Variants in A3GALT2 observed in about 807,000 individuals in gnomAD.
The protein encoded by A3GALT2 is alpha-1,3-galactosyltransferase 2.
Under a neutral mutation model 16.6 loss-of-function variants are expected in A3GALT2, and 14 were observed. That is an observed-to-expected ratio of 0.84 (90% CI 0.56 to 1.32). The LOEUF (loss-of-function observed/expected upper bound fraction) is 1.32, where lower values mean the gene tolerates loss of function less well. Among genes scored for constraint, A3GALT2 ranks in the 40% most tolerant of loss-of-function variants. A3GALT2 has a pLI of 0.00. For synonymous variants in A3GALT2, 253 were observed against 218.0 expected (o/e 1.16, Z -1.42); for missense variants, 600 against 490.9 (o/e 1.22, Z -2.10).
In A3GALT2 at chr1:33,307,466, C is replaced by A. The variant is rs368453003; in HGVS notation, c.336-13G>T. ...CTTCTCCAGGTATCTAAGGGCGCGG[C>A]GCCACCGTCAGCCTGAGAGTGAAGC... On this transcript the variant is annotated splice_polypyrimidine_tract_variant and intron_variant, in intron 4 of 4. Coordinates refer to ENST00000442999, the MANE Select transcript of A3GALT2 (RefSeq NM_001080438.1). The A allele has an allele frequency of 3.4e-6, 5 of 1,479,690 alleles. No individual in the cohort carries two copies. Among genetic ancestry groups the A allele is most frequent in the Non-Finnish European group, 4.4e-6 (5 of 1,125,146 alleles). The allele number at this position is 1,479,690 out of a possible 1,614,324, so 91.7% of individuals were successfully genotyped here. A position where few individuals can be genotyped will look rare whatever the true frequency, so the allele number is the denominator to read the frequency against.
chr1:33,312,457 G>T, intron 3 of A3GALT2, 44 bp downstream of exon 3: 1 of 1,513,702 alleles, frequency 6.6e-7, no homozygotes, highest in Non-Finnish European at 8.9e-7. Context: ...AGCTGTGTAG[G>T]GTTTGGGGGT....
intron 4 of A3GALT2, among the ~76,000 whole-genome samples, chr1:33,308,120 A>G (rs896017102): frequency 1.5e-5 from 2 of 129,632 alleles, no homozygotes; most frequent in Non-Finnish European, 3.2e-5. Flanking sequence ...CTCTAGCCCT[A>G]GCATCTTTCA....
intron 1 of A3GALT2, among the ~76,000 whole-genome samples, chr1:33,319,724 C>T (rs569287906): frequency 4.6e-5 from 7 of 152,168 alleles, no homozygotes; most frequent in Non-Finnish European, 8.8e-5. Flanking sequence ...AGCATCCTCT[C>T]CTCCCCTGTC....
In A3GALT2 at chr1:33,312,504, G is replaced by A; in HGVS notation, c.194C>T (p.Pro65Leu). 1 of 1,591,200 alleles carries A rather than the reference G, an allele frequency of 6.3e-7. No individual in the cohort carries two copies. The highest frequency in any genetic ancestry group is 8.6e-7 in the Non-Finnish European group (1 of 1,167,534). The change falls in exon 3 of 5, where the codon CCC becomes CTC. Residue 65 changes from proline (P) to leucine (L), a missense_variant. Transcript: ENST00000442999. ...LRDNFTGALR[P>L]WARPEVLTCT... ...AGGAGGGATGGGAGCTTCTTACCAGGGACGCAGGGCACCTGTGAAGTTGTC... is the reference window on the plus strand; with the variant it reads ...AGGAGGGATGGGAGCTTCTTACCAGAGACGCAGGGCACCTGTGAAGTTGTC...
At chr1:33,312,999 T>C (rs1646243041) in intron 1 of A3GALT2, 109 bp from the exon 2 acceptor site, 1 of 869,416 alleles carries the variant, frequency 1.2e-6, no homozygotes. Flanking sequence ...CTGGTTCTTC[T>C]GCATGAAGGT....
chr1:33,315,233 T>G (rs1481415673), intron 1 of A3GALT2, among the ~76,000 whole-genome samples: 1 of 151,950 alleles, frequency 6.6e-6, no homozygotes, highest in Non-Finnish European at 1.5e-5. Context: ...AATACAAAAA[T>G]TAGCTGGCCG....
At chr1:33,313,031 G>C in intron 1 of A3GALT2, 141 bp from the exon 2 acceptor site, 2 of 706,192 alleles carry the variant, frequency 2.8e-6, no homozygotes, top group East Asian at 5.5e-5. Flanking sequence ...CCAGTTTCTT[G>C]TGCAGGGGCA....
At chr1:33,317,975 A>G (rs868798231) in intron 1 of A3GALT2, among the ~76,000 whole-genome samples, 16 of 152,226 alleles carry the variant, frequency 1.1e-4, no homozygotes, top group South Asian at 6.2e-4. Flanking sequence ...ATAGAAATCA[A>G]CATGGCTATT....
At position 33,312,047 on chromosome 1, in the gene A3GALT2, C is replaced by A. The variant is rs1353926069; in HGVS notation, c.335+5G>T. On this transcript the variant is annotated splice_donor_5th_base_variant and intron_variant, in intron 4 of 4. Coordinates refer to ENST00000442999, the MANE Select transcript of A3GALT2 (RefSeq NM_001080438.1). ...GACAGCACTGCTCCCCTTCCCAGGC[C>A]TTACCTGCCTACAGCAAAGATAGTC... is the stretch of plus-strand genomic sequence containing the variant. 6.2e-7 allele frequency: 1 copy of A among 1,613,534 alleles called. No individual in the cohort carries two copies. Among genetic ancestry groups the A allele is most frequent in the South Asian group, 1.1e-5 (1 of 91,020 alleles).
At chr1:33,313,269 A>ACTCCTGGGC (rs1646245208) in intron 1 of A3GALT2, 1 of 148,106 alleles carries the variant, frequency 6.8e-6, no homozygotes, top group African/African-American at 2.8e-5. Flanking sequence ...GCAGCCTTGA[A>ACTCCTGGGC]CTCCTGGGCT....
intron 1 of A3GALT2, among the ~76,000 whole-genome samples, chr1:33,315,313 C>T (rs562004512): frequency 1.9e-4 from 28 of 147,040 alleles, no homozygotes; most frequent in Admixed American, 7.0e-4. Context: ...ACTTGGGAGG[C>T]GGAGGTTGCA....
chr1:33,315,197 C>T lies in A3GALT2; in HGVS notation c.24-2307G>A, dbSNP rs1045742597. Among the ~76,000 whole-genome samples, 6 of 152,252 alleles carry T rather than the reference C, an allele frequency of 3.9e-5. No individual in the cohort carries two copies. In the East Asian group the frequency reaches 1.2e-3, roughly 29 times the overall value. Reference sequence around the variant, plus strand: ...AAGAGATCGAGCCCATCCTGGCCAACACGGTGAAACCCCATCTCTACTAAA... The same window carrying T: ...AAGAGATCGAGCCCATCCTGGCCAATACGGTGAAACCCCATCTCTACTAAA... On this transcript the variant is annotated intron_variant, in intron 1 of 4. Coordinates refer to ENST00000442999, the MANE Select transcript of A3GALT2 (RefSeq NM_001080438.1).
At position 33,307,073 on chromosome 1, in the gene A3GALT2, T is replaced by C. The variant is rs1557805621; in HGVS notation, c.716A>G (p.His239Arg). The C allele has an allele frequency of 2.6e-6, 4 of 1,519,228 alleles. No homozygotes were observed. The highest frequency in any genetic ancestry group is 4.1e-5 in the Admixed American group (2 of 48,754). 94.1% of individuals were successfully genotyped at this position (1,519,228 alleles called of 1,614,324 possible). A position where few individuals can be genotyped will look rare whatever the true frequency, so the allele number is the denominator to read the frequency against. Residue 239 changes from histidine (H) to arginine (R), a missense_variant, in exon 5 of 5, where the codon CAT becomes CGT. His to Arg is a conservative substitution (Grantham distance 29). Coordinates refer to ENST00000442999, the MANE Select transcript of A3GALT2 (RefSeq NM_001080438.1). ...SWLLPFERDA[H>R]SAAAMAWGQG... ...GCCCCACGCCATCGCGGCGGCCGAATGCGCGTCGCGTTCGAAGGGCAGCAG... is the reference window on the plus strand; with the variant it reads ...GCCCCACGCCATCGCGGCGGCCGAACGCGCGTCGCGTTCGAAGGGCAGCAG...
Position 33,320,676 on chromosome 1 carries a change from G to T in A3GALT2, c.23+400C>A, listed in dbSNP as rs1469060450. Reference sequence around the variant, plus strand: ...TTAAAGATCAGCCATTAGGTCTTAAGGGGGCACAGGTTCCTAGTCCTGGAC... The same window carrying T: ...TTAAAGATCAGCCATTAGGTCTTAATGGGGCACAGGTTCCTAGTCCTGGAC... On this transcript the variant is annotated intron_variant, in intron 1 of 4. Coordinates refer to ENST00000442999, the MANE Select transcript of A3GALT2 (RefSeq NM_001080438.1). The surrounding 1 kb of genome is among the most constrained non-coding windows in gnomAD (Gnocchi z 4.3). 4.6e-5 allele frequency among the ~76,000 whole-genome samples: 7 copies of T among 152,044 alleles called. 1 individual carries two copies. The Admixed American group carries it at 4.6e-4, about 10-fold the overall frequency.
intron 3 of A3GALT2, 36 bp downstream of exon 3, chr1:33,312,465 G>GA: frequency 6.5e-7 from 1 of 1,529,216 alleles, no homozygotes; most frequent in Non-Finnish European, 8.8e-7. Flanking sequence ...AGGGTTTGGG[G>GA]GTGCCCTTGG....
chr1:33,317,731 G>A (rs1646267888), intron 1 of A3GALT2, among the ~76,000 whole-genome samples: 1 of 152,228 alleles, frequency 6.6e-6, no homozygotes, highest in African/African-American at 2.4e-5. Flanking sequence ...TATACAGGTT[G>A]GGTATCCTTT....
chr1:33,320,266 C>T lies in A3GALT2; in HGVS notation c.23+810G>A, dbSNP rs111796191. 3.3e-5 allele frequency among the ~76,000 whole-genome samples: 5 copies of T among 152,108 alleles called. 1 individual carries two copies. Among genetic ancestry groups the T allele is most frequent in the African/African-American group, 9.6e-5 (4 of 41,546 alleles). The stretch of plus-strand genomic sequence containing the variant: ...ACTGTGGGAGGTGTGCGAGGTACTG[C>T]GTAAGGTACTACAGGAGCAGGAAAA... On this transcript the variant is annotated intron_variant, in intron 1 of 4. Coordinates refer to ENST00000442999, the MANE Select transcript of A3GALT2 (RefSeq NM_001080438.1). The surrounding 1 kb of genome is among the most constrained non-coding windows in gnomAD (Gnocchi z 4.3).
In A3GALT2 at chr1:33,320,501, C is replaced by T. The variant is rs553446257; in HGVS notation, c.23+575G>A. On this transcript the variant is annotated intron_variant, in intron 1 of 4. Coordinates refer to ENST00000442999, the MANE Select transcript of A3GALT2 (RefSeq NM_001080438.1). The surrounding 1 kb of genome is among the most constrained non-coding windows in gnomAD (Gnocchi z 4.3). Reference sequence around the variant, plus strand: ...GGACCCACCAGCTCCTCCTGCCCCTCCTATGCCCCAGCCTGGGAGCCCGTG... The same window carrying T: ...GGACCCACCAGCTCCTCCTGCCCCTTCTATGCCCCAGCCTGGGAGCCCGTG... Among the ~76,000 whole-genome samples, 1 of 152,156 alleles carries T rather than the reference C, an allele frequency of 6.6e-6. No individual in the cohort carries two copies. Among genetic ancestry groups the T allele is most frequent in the African/African-American group, 2.4e-5 (1 of 41,582 alleles).
At chr1:33,310,122 C>T (rs1445041817) in intron 4 of A3GALT2, among the ~76,000 whole-genome samples, 2 of 152,218 alleles carry the variant, frequency 1.3e-5, no homozygotes, top group East Asian at 1.9e-4. Context: ...GCCAACACGG[C>T]GAAACTCCGA....
Sources: gnomAD v4.1 joint callset for allele counts (sites outside exome capture counted in the v4.1 genomes callset) on GRCh38, gnomAD v4.1.1 for gene constraint, Gnocchi (gnomAD v3.1) non-coding constraint, MANE v1.5 for transcripts, NCBI Gene and HGNC (gene_info 2026-07-23, HGNC 2026-07-21) for gene names.